Variants in TPM1 observed in about 807,000 individuals in gnomAD.
TPM1 encodes the protein tropomyosin 1.
Under a neutral mutation model 42.9 loss-of-function variants are expected in TPM1, and 24 were observed. That is an observed-to-expected ratio of 0.56 (90% CI 0.41 to 0.79). The LOEUF (loss-of-function observed/expected upper bound fraction) is 0.79, where lower values mean the gene tolerates loss of function less well. Among genes scored for constraint, TPM1 ranks in the 30% least tolerant of loss-of-function variants. The probability of loss-of-function intolerance (pLI) is 0.00; values close to 1 mark genes in which losing one functional copy is unlikely to be tolerated. For synonymous variants in TPM1, 136 were observed against 130.1 expected (o/e 1.05, Z -0.31); for missense variants, 158 against 351.8 (o/e 0.45, Z 4.41).
chr15:63,043,995 C>T (rs1596302757), intron 1 of TPM1, 32 bp from the exon 2 acceptor site: 1 of 1,608,596 alleles, frequency 6.2e-7, no homozygotes, highest in South Asian at 1.1e-5. Flanking sequence ...CTGCACCCCC[C>T]TCCCTCCCTG....
intron 8 of TPM1, among the ~76,000 whole-genome samples, chr15:63,063,641 A>G (rs940823415): frequency 3.3e-5 from 5 of 152,120 alleles, no homozygotes; most frequent in African/African-American, 1.2e-4. Flanking sequence ...CTGCCCTTGC[A>G]TTTTTTTCCC....
intron 2 of TPM1, chr15:63,055,939 G>C (rs538083421): frequency 6.6e-6 from 1 of 152,324 alleles, no homozygotes; most frequent in South Asian, 2.1e-4. Flanking sequence ...TTCAGTGACA[G>C]ATACCAAGTA....
In TPM1 at chr15:63,056,979, A is replaced by G. The variant is rs1281731313; in HGVS notation, c.241-6A>G. 2 of 1,614,062 alleles carry G rather than the reference A, an allele frequency of 1.2e-6. No homozygotes were observed. The highest frequency in any genetic ancestry group is 1.1e-5 in the South Asian group (1 of 91,080). ...AACTCTGAAATGCTTTTCACTCTCT[A>G]CCTAGGCTGAAGCCGACGTAGCTTC... is the stretch of plus-strand genomic sequence containing the variant. On this transcript the variant is annotated splice_region_variant and splice_polypyrimidine_tract_variant and intron_variant, in intron 2 of 9. Coordinates refer to ENST00000403994, the MANE Select transcript of TPM1 (RefSeq NM_001018005.2).
At position 63,043,412 on chromosome 15, in the gene TPM1, GGAGGC is replaced by G. The variant is rs1466650094; in HGVS notation, c.114+470_114+474del. On this transcript the variant is annotated intron_variant, in intron 1 of 9. Transcript: ENST00000403994. ...CCTAAGAACAAAGATGGGGCGGAAT[GGAGGC>G]TACAGCCCGAAAGCCAGGCCAGCAG... 4.8e-6 allele frequency: 3 copies of G among 628,308 alleles called. No homozygotes were observed. In the African/African-American group the frequency reaches 5.4e-5, roughly 11 times the overall value. 38.9% of individuals were successfully genotyped at this position (628,308 alleles called of 1,614,324 possible).
rs1440800023 is a variant in TPM1, at chr15:63,061,690, C to G, written c.564-23C>G. ...TCCTTTGGCTTGTCTCCCACCCTTT[C>G]TGCCTCTGATCGAAAACATTAGCAA... On this transcript the variant is annotated intron_variant, in intron 5 of 9. Coordinates refer to ENST00000403994, the MANE Select transcript of TPM1 (RefSeq NM_001018005.2). The G allele has an allele frequency of 2.5e-6, 4 of 1,612,134 alleles. No individual in the cohort carries two copies. The African/African-American group carries it at 5.3e-5, about 22-fold the overall frequency.
Position 63,042,920 on chromosome 15 carries a change from G to A in TPM1, c.91G>A (p.Ala31Thr), listed in dbSNP as rs397516396. 4.4e-6 allele frequency: 7 copies of A among 1,605,952 alleles called. No individual in the cohort carries two copies. The highest frequency in any genetic ancestry group is 3.3e-5 in the South Asian group (3 of 89,938). The change falls in exon 1 of 10, where the codon GCG (alanine) becomes ACG (threonine). Residue 31 changes from alanine (A) to threonine (T), a missense_variant. By Grantham distance (58) the Ala-to-Thr change is moderately conservative. Around this residue, in one of 4 missense-constraint regions of TPM1, gnomAD observed 24 missense variants for 26.8 expected, o/e 0.89. Transcript: ENST00000403994. The stretch of plus-strand genomic sequence containing the variant: ...TGAGCAGGCGGAGGCCGACAAGAAG[G>A]CGGCGGAAGACAGGAGCAAGCAGGT... ...RAEQAEADKKAAEDRSKQLED... is the reference protein window; with the variant it reads ...RAEQAEADKKTAEDRSKQLED...
At chr15:63,067,743 TTCTGGTTCAAAGGGCCAGGCC>T (rs1223314801), downstream of TPM1, among the ~76,000 whole-genome samples, 1 of 152,230 alleles carries the variant, frequency 6.6e-6, no homozygotes, top group Non-Finnish European at 1.5e-5. Context: ...TGAACCAGGC[TTCTGGTTCAAAGGGCCAGGCC>T]ATAGCTACAG....
rs896428605 is a variant in TPM1 at position 63,061,545 on chromosome 15, C to A, written c.564-168C>A. 9.2e-6 allele frequency: 7 copies of A among 762,174 alleles called. No individual in the cohort carries two copies. In the East Asian group the frequency reaches 1.6e-4, roughly 17 times the overall value. The allele number at this position is 762,174 out of a possible 1,614,324, so 47.2% of individuals were successfully genotyped here. On this transcript the variant is annotated intron_variant, in intron 5 of 9. Transcript: ENST00000403994. ...CTTCTGCTGTTGCGAGGTTGGGGGGCAGTGTTCCTGGAAAACCTAAACATT... is the reference window on the plus strand; with the variant it reads ...CTTCTGCTGTTGCGAGGTTGGGGGGAAGTGTTCCTGGAAAACCTAAACATT...
intron 2 of TPM1, 167 bp from the exon 3 acceptor site, chr15:63,056,818 A>G (rs114027732): frequency 2.4e-6 from 2 of 830,996 alleles, no homozygotes; most frequent in South Asian, 2.9e-5. Context: ...CAATGTGTAA[A>G]TGTGTCCGAG....
intron 2 of TPM1, chr15:63,055,582 C>T (rs2034644990): frequency 2.0e-5 from 3 of 152,182 alleles, no homozygotes; most frequent in Admixed American, 1.3e-4. Context: ...ACTGTGAGTT[C>T]TCTGGATGTG....
Position 63,059,691 on chromosome 15 carries a change from G to A in TPM1, c.492+11G>A. 6.3e-7 allele frequency: 1 copy of A among 1,591,378 alleles called. No homozygotes were observed. The highest frequency in any genetic ancestry group is 8.6e-7 in the Non-Finnish European group (1 of 1,161,882). On this transcript the variant is annotated intron_variant, in intron 4 of 9. Coordinates refer to ENST00000403994, the MANE Select transcript of TPM1 (RefSeq NM_001018005.2). ...CGCAAATATGAAGAGGTCAGATCCT[G>A]GGGCCCAAAGCCTTGTGGACACCCA... is the stretch of plus-strand genomic sequence containing the variant.
At chr15:63,063,592 G>A (rs1202394901) in intron 8 of TPM1, among the ~76,000 whole-genome samples, 2 of 152,196 alleles carry the variant, frequency 1.3e-5, no homozygotes, top group Non-Finnish European at 2.9e-5. Context: ...AACCAGATAA[G>A]GACTACAGGC....
chr15:63,043,679 C>G, intron 1 of TPM1: 3 of 1,540,308 alleles, frequency 1.9e-6, no homozygotes, highest in Non-Finnish European at 2.6e-6. Flanking sequence ...GTGCCGGCCG[C>G]CCGCGCCCGC....
chr15:63,062,172 T>C (rs1307030256), intron 6 of TPM1, 43 bp from the exon 7 acceptor site: 2 of 1,580,328 alleles, frequency 1.3e-6, no homozygotes, highest in Admixed American at 1.7e-5. Flanking sequence ...CATGAGTAGA[T>C]TGAGCTGCAG....
chr15:63,051,424 C>A (rs570374605), intron 2 of TPM1, among the ~76,000 whole-genome samples: 108 of 152,276 alleles, frequency 7.1e-4, no homozygotes, highest in Non-Finnish European at 1.1e-3. Flanking sequence ...ATGCCTTGTT[C>A]ATGTCTGTTC....
At chr15:63,056,599 G>A (rs1019029094) in intron 2 of TPM1, 16 of 265,800 alleles carry the variant, frequency 6.0e-5, no homozygotes, top group African/African-American at 2.3e-4. Context: ...TCCAGGAGGC[G>A]GAGTTTGCAG....
chr15:63,071,122 A>T (rs2036587800), downstream of TPM1: 1 of 1,614,218 alleles, frequency 6.2e-7, no homozygotes, highest in Non-Finnish European at 8.5e-7. Context: ...AGAAAACCTT[A>T]GTATGCATCA....
intron 4 of TPM1, 34 bp downstream of exon 4, chr15:63,059,714 C>A: frequency 1.4e-6 from 2 of 1,468,158 alleles, no homozygotes; most frequent in South Asian, 1.1e-5. Flanking sequence ...TTGTGGACAC[C>A]CAGCAGTGGC....
downstream of TPM1, among the ~76,000 whole-genome samples, chr15:63,069,025 C>T (rs2036445061): frequency 6.6e-6 from 1 of 151,960 alleles, no homozygotes; most frequent in African/African-American, 2.4e-5. Flanking sequence ...TGGTGGCGGG[C>T]GCCTGTAGTC....
Sources: allele counts gnomAD v4.1 joint callset (sites outside exome capture counted in the v4.1 genomes callset), GRCh38; gene constraint gnomAD v4.1.1; regional missense constraint gnomAD v4.1.1; transcripts MANE v1.5; gene names NCBI Gene and HGNC (gene_info 2026-07-23, HGNC 2026-07-21).